Variants in VWA3B observed in about 807,000 individuals in gnomAD.
VWA3B encodes the protein von Willebrand factor A domain-containing protein 3B.
In VWA3B, 138 loss-of-function variants were observed where a neutral mutation model predicts 158.3. That is an observed-to-expected ratio of 0.87 (90% CI 0.76 to 1.00). VWA3B has a LOEUF of 1.00. VWA3B is among the 50% of genes least tolerant of loss of function. The pLI is 0.00. For synonymous variants in VWA3B, 596 were observed against 587.3 expected (o/e 1.01, Z -0.21); for missense variants, 1,555 against 1,565.1 (o/e 0.99, Z 0.11).
chr2:98,192,257 A>C (rs1405106988), intron 10 of VWA3B: 1 of 152,944 alleles, frequency 6.5e-6, no homozygotes. Flanking sequence ...AGACCACCAA[A>C]CAGGCTTTGT....
intron 2 of VWA3B, among the ~76,000 whole-genome samples, chr2:98,112,905 C>CT (rs1044448080): frequency 2.0e-5 from 3 of 151,894 alleles, no homozygotes; most frequent in African/African-American, 7.3e-5. Flanking sequence ...GTTACTAACA[C>CT]TTTATTCTGG....
chr2:98,140,587 C>T (rs1676702683), intron 7 of VWA3B, among the ~76,000 whole-genome samples: 2 of 152,130 alleles, frequency 1.3e-5, no homozygotes, highest in South Asian at 4.1e-4. Flanking sequence ...GAAGGTATTC[C>T]TGCCTCTTTC....
At chr2:98,298,423 T>C (rs1689960490) in intron 24 of VWA3B, among the ~76,000 whole-genome samples, 1 of 148,858 alleles carries the variant, frequency 6.7e-6, no homozygotes, top group Non-Finnish European at 1.5e-5. Context: ...TATTCTATTC[T>C]ATTCTATTCT....
Position 98,093,225 on chromosome 2 carries a change from C to T in VWA3B, c.133C>T (p.Leu45Phe). ...SSEKWLQLHG[L>F]KSNKLTLKQI... Reference sequence around the variant, plus strand: ...TGAGAAATGGCTTCAACTGCATGGGCTTAAGAGCAACAAATTGACCTTGAA... The same window carrying T: ...TGAGAAATGGCTTCAACTGCATGGGTTTAAGAGCAACAAATTGACCTTGAA... Residue 45 changes from leucine to phenylalanine, a missense_variant, in exon 2 of 28, where the codon CTT becomes TTT. Transcript: ENST00000477737. The T allele has an allele frequency of 6.2e-7, 1 of 1,614,136 alleles. No individual in the cohort carries two copies. The highest frequency in any genetic ancestry group is 1.6e-4 in the Middle Eastern group (1 of 6,062).
chr2:98,299,373 TC>T (rs1690038626), intron 24 of VWA3B, among the ~76,000 whole-genome samples: 1 of 152,232 alleles, frequency 6.6e-6, no homozygotes, highest in African/African-American at 2.4e-5. Context: ...TGGCTCATCC[TC>T]TTGCCGCGTT....
At position 98,098,873 on chromosome 2, in the gene VWA3B, T is replaced by C. The variant is rs998464557; in HGVS notation, c.196+5585T>C. Among the ~76,000 whole-genome samples the C allele has an allele frequency of 3.9e-5, 6 of 152,238 alleles. No homozygotes were observed. The South Asian group carries it at 1.0e-3, about 26-fold the overall frequency. ...CTTTTTATTTTTAGTGTATCTATTA[T>C]AGGTTTTTGCTTTGTGATTACCGCA... On this transcript the variant is annotated intron_variant, in intron 2 of 27. Coordinates refer to ENST00000477737, the MANE Select transcript of VWA3B (RefSeq NM_144992.5).
At chr2:98,104,382 T>G (rs1441758483) in intron 2 of VWA3B, among the ~76,000 whole-genome samples, 1 of 152,170 alleles carries the variant, frequency 6.6e-6, no homozygotes, top group African/African-American at 2.4e-5. Flanking sequence ...AGTTGGTGTG[T>G]GCAGATCACA....
At chr2:98,180,165 T>TTC (rs564023681) in intron 8 of VWA3B, among the ~76,000 whole-genome samples, 3 of 143,958 alleles carry the variant, frequency 2.1e-5, no homozygotes, top group Non-Finnish European at 3.1e-5. Context: ...CTTTCTTTTC[T>TTC]TCTCTCTCTC....
intron 12 of VWA3B, among the ~76,000 whole-genome samples, chr2:98,195,851 G>A (rs1046245847): frequency 6.6e-6 from 1 of 152,124 alleles, no homozygotes; most frequent in Non-Finnish European, 1.5e-5. Context: ...TTGCTGGCTT[G>A]TTGAATGTCC....
At chr2:98,303,827 T>A in intron 26 of VWA3B, 25 bp downstream of exon 26, 1 of 1,602,210 alleles carries the variant, frequency 6.2e-7, no homozygotes, top group East Asian at 2.2e-5. Context: ...CTTTTATCTC[T>A]TGAATATTAA....
At position 98,255,182 on chromosome 2, in the gene VWA3B, ATTTTTTTTTTTTTTTT is replaced by A. The variant is rs769708577; in HGVS notation, c.2793-928_2793-913del. ...TCGCCCGCCACCACGCCCGGCTGAT[ATTTTTTTTTTTTTTTT>A]TTTTTTTTTTTTTAGTACAGACAGG... On this transcript the variant is annotated intron_variant, in intron 20 of 27. Coordinates refer to ENST00000477737, the MANE Select transcript of VWA3B (RefSeq NM_144992.5). Among the ~76,000 whole-genome samples, 12 of 52,164 alleles carry A rather than the reference ATTTTTTTTTTTTTTTT, an allele frequency of 2.3e-4. 1 individual carries two copies. In the Admixed American group the frequency reaches 3.1e-3, roughly 13 times the overall value. 34.2% of individuals were successfully genotyped at this position (52,164 alleles called of 152,430 possible).
At chr2:98,274,540 G>A (rs1688404771) in intron 22 of VWA3B, among the ~76,000 whole-genome samples, 1 of 152,166 alleles carries the variant, frequency 6.6e-6, no homozygotes, top group Non-Finnish European at 1.5e-5. Flanking sequence ...AACAGCCTGG[G>A]CTCAGGCAGG....
chr2:98,197,660 G>T (rs1256404145), intron 12 of VWA3B, among the ~76,000 whole-genome samples: 1 of 151,836 alleles, frequency 6.6e-6, no homozygotes, highest in African/African-American at 2.4e-5. Flanking sequence ...TTTATTCTTG[G>T]AGTTATAATC....
chr2:98,153,331 TA>T (rs1294954930), intron 7 of VWA3B, among the ~76,000 whole-genome samples: 1 of 152,220 alleles, frequency 6.6e-6, no homozygotes, highest in Admixed American at 6.5e-5. Flanking sequence ...CAAATGTCCT[TA>T]GAACAGCTAC....
At chr2:98,302,971 C>G (rs1479364026) in intron 25 of VWA3B, among the ~76,000 whole-genome samples, 1 of 152,164 alleles carries the variant, frequency 6.6e-6, no homozygotes, top group Admixed American at 6.5e-5. Flanking sequence ...GAAAAAAACC[C>G]CTTGGAGAAA....
At chr2:98,143,818 A>G (rs1003934459) in intron 7 of VWA3B, among the ~76,000 whole-genome samples, 2 of 142,624 alleles carry the variant, frequency 1.4e-5, no homozygotes, top group Non-Finnish European at 3.0e-5. Context: ...TGGCACCATT[A>G]TAGCTCACTG....
At chr2:98,310,175 C>T (rs2106023084) in intron 26 of VWA3B, among the ~76,000 whole-genome samples, 1 of 152,308 alleles carries the variant, frequency 6.6e-6, no homozygotes, top group East Asian at 1.9e-4. Context: ...CTCCATGGGT[C>T]CTCTTGTTCT....
intron 12 of VWA3B, among the ~76,000 whole-genome samples, chr2:98,200,491 T>TGA (rs1682437986): frequency 7.0e-6 from 1 of 142,396 alleles, no homozygotes; most frequent in Non-Finnish European, 1.5e-5. Context: ...TGCAGTGAGC[T>TGA]GAGACGACGC....
intron 8 of VWA3B, among the ~76,000 whole-genome samples, chr2:98,169,768 T>C (rs939631663): frequency 1.3e-5 from 2 of 150,362 alleles, no homozygotes; most frequent in Non-Finnish European, 3.0e-5. Flanking sequence ...TGTGTCGGTG[T>C]GCCTGTTCTG....
Sources: gnomAD v4.1 joint callset for allele counts (sites outside exome capture counted in the v4.1 genomes callset) on GRCh38, gnomAD v4.1.1 for gene constraint, MANE v1.5 for transcripts, NCBI Gene and HGNC (gene_info 2026-07-23, HGNC 2026-07-21) for gene names.